Variants in DLGAP2 observed in about 807,000 individuals in gnomAD.
The protein encoded by DLGAP2 is disks large-associated protein 2.
DLGAP2 carries 26 observed loss-of-function variants against 100.3 expected under a neutral mutation model. That is an observed-to-expected ratio of 0.26 (90% CI 0.19 to 0.36). The LOEUF (loss-of-function observed/expected upper bound fraction) is 0.36, where lower values mean the gene tolerates loss of function less well. Among genes scored for constraint, DLGAP2 ranks in the 10% least tolerant of loss-of-function variants. The pLI is 1.00. For missense variants in DLGAP2, 1,858 were observed against 1,453.2 expected (o/e 1.28, Z -4.53); for synonymous variants, 886 against 630.1 (o/e 1.41, Z -6.08).
At chr8:1,388,318 G>A (rs371208548) in intron 3 of DLGAP2, among the ~76,000 whole-genome samples, 3 of 93,874 alleles carry the variant, frequency 3.2e-5, no homozygotes, top group South Asian at 4.5e-4. Flanking sequence ...TGGATGAGGA[G>A]GTGCTGGTTC....
intron 1 of DLGAP2, among the ~76,000 whole-genome samples, chr8:751,976 T>G (rs879166391): frequency 2.0e-5 from 3 of 152,240 alleles, no homozygotes; most frequent in Non-Finnish European, 4.4e-5. Flanking sequence ...TGACACTTTT[T>G]TCAGGCCCAT....
At chr8:973,352 C>A (rs1301333397) in intron 2 of DLGAP2, among the ~76,000 whole-genome samples, 3 of 152,010 alleles carry the variant, frequency 2.0e-5, no homozygotes, top group Non-Finnish European at 2.9e-5. Flanking sequence ...CCTCACTTCC[C>A]AGACGGGGTG....
intron 8 of DLGAP2, among the ~76,000 whole-genome samples, chr8:1,657,572 A>G (rs1401337874): frequency 6.6e-6 from 1 of 152,214 alleles, no homozygotes; most frequent in Admixed American, 6.5e-5. Flanking sequence ...CCCAGCCTCC[A>G]ATTTTAACTT....
intron 8 of DLGAP2, among the ~76,000 whole-genome samples, chr8:1,644,397 C>T (rs1404141467): frequency 2.0e-5 from 3 of 152,228 alleles, no homozygotes; most frequent in Non-Finnish European, 2.9e-5. Flanking sequence ...CGCTCCCACC[C>T]GCTCCCAGCC....
intron 2 of DLGAP2, among the ~76,000 whole-genome samples, chr8:1,191,394 T>A (rs139770579): frequency 2.6e-5 from 4 of 152,098 alleles, no homozygotes; most frequent in East Asian, 1.9e-4. Flanking sequence ...ATGGTCTTGA[T>A]CTCCTGACCT....
At chr8:1,433,738 C>CTTTTTTTTTTTTTTTTT (rs3052055) in intron 3 of DLGAP2, among the ~76,000 whole-genome samples, 1 of 124,218 alleles carries the variant, frequency 8.1e-6, no homozygotes, top group Non-Finnish European at 1.6e-5. Context: ...GCAAAACTGG[C>CTTTTTTTTTTTTTTTTT]TTTTTTTTTT....
rs571999298 is a variant in DLGAP2, at chr8:1,257,695, C to G, written c.74-1156C>G. 6.1e-3 allele frequency among the ~76,000 whole-genome samples: 925 copies of G among 151,788 alleles called. 8 individuals carry two copies. Among genetic ancestry groups the G allele is most frequent in the Non-Finnish European group, 8.1e-3 (552 of 68,032 alleles). On this transcript the variant is annotated intron_variant, in intron 2 of 14. Transcript: ENST00000637795. Reference sequence around the variant, plus strand: ...TTCTGAGGGCCCGTGCAGGCCAGTGCTGGCGTGGAAGAGCCGGTGTCCTCC... The same window carrying G: ...TTCTGAGGGCCCGTGCAGGCCAGTGGTGGCGTGGAAGAGCCGGTGTCCTCC...
chr8:1,020,723 A>C (rs767930499), intron 2 of DLGAP2, among the ~76,000 whole-genome samples: 6 of 152,248 alleles, frequency 3.9e-5, no homozygotes, highest in Non-Finnish European at 5.9e-5. Flanking sequence ...AACATTAAAG[A>C]GTAGCCATCT....
chr8:1,166,819 T>C (rs1797026129), intron 2 of DLGAP2, among the ~76,000 whole-genome samples: 1 of 152,170 alleles, frequency 6.6e-6, no homozygotes, highest in African/African-American at 2.4e-5. Context: ...GTAAGTATTG[T>C]TTCGTGGTTT....
chr8:1,644,797 C>A (rs529231806), intron 8 of DLGAP2, among the ~76,000 whole-genome samples: 1 of 152,158 alleles, frequency 6.6e-6, no homozygotes, highest in African/African-American at 2.4e-5. Flanking sequence ...AATGTATTGA[C>A]ACCATGGCTT....
Position 820,522 on chromosome 8 carries a change from AACAGTTT to A in DLGAP2, c.18+82701_18+82707del, listed in dbSNP as rs560483021. Reference sequence around the variant, plus strand: ...ATCCCCCAAAAGAAAAAAACTAAGAAACAGTTTACACAGAAATTTGTTTGCTCAATAA... The same window carrying A: ...ATCCCCCAAAAGAAAAAAACTAAGAAACACAGAAATTTGTTTGCTCAATAA... On this transcript the variant is annotated intron_variant, in intron 1 of 14. Transcript: ENST00000637795. 2.6e-4 allele frequency among the ~76,000 whole-genome samples: 40 copies of A among 152,354 alleles called. No individual in the cohort carries two copies. The East Asian group carries it at 7.7e-3, about 29-fold the overall frequency.
intron 6 of DLGAP2, among the ~76,000 whole-genome samples, chr8:1,585,932 G>A (rs1196881316): frequency 6.6e-6 from 1 of 152,206 alleles, no homozygotes; most frequent in African/African-American, 2.4e-5. Flanking sequence ...ACACTTTCGT[G>A]TGTGTATAAA....
intron 2 of DLGAP2, among the ~76,000 whole-genome samples, chr8:958,613 G>A (rs1013226339): frequency 1.3e-5 from 2 of 150,164 alleles, no homozygotes; most frequent in Admixed American, 6.7e-5. Context: ...AACTTTTCCC[G>A]GGGATGTTAA....
At chr8:1,128,288 CATGAGGACCTGCTCCTGGTGTTGTGTTCG>C (rs1277962465) in intron 2 of DLGAP2, among the ~76,000 whole-genome samples, 1 of 145,838 alleles carries the variant, frequency 6.9e-6, no homozygotes, top group Non-Finnish European at 1.5e-5. Context: ...TGTTGTGTTC[CATGAGGACCTGCTCCTGGTGTTGTGTTCG>C]GTGAGGACCT....
chr8:1,601,298 T>G (rs1241809913), intron 6 of DLGAP2, among the ~76,000 whole-genome samples: 1 of 152,172 alleles, frequency 6.6e-6, no homozygotes, highest in South Asian at 2.1e-4. Flanking sequence ...TCCTGTGTGA[T>G]GTGTCTGTTG....
chr8:1,415,556 C>A (rs1013725697), intron 3 of DLGAP2, among the ~76,000 whole-genome samples: 9 of 152,152 alleles, frequency 5.9e-5, no homozygotes, highest in African/African-American at 2.2e-4. Context: ...AGTGAGAACA[C>A]GTGGTGTCTG....
chr8:1,444,604 C>T (rs758633086), intron 3 of DLGAP2, among the ~76,000 whole-genome samples: 3 of 152,012 alleles, frequency 2.0e-5, no homozygotes, highest in Non-Finnish European at 2.9e-5. Context: ...ACCCTCCCTC[C>T]ACCTCCTTCT....
At chr8:1,610,218 C>G (rs951949904) in intron 6 of DLGAP2, among the ~76,000 whole-genome samples, 9 of 152,176 alleles carry the variant, frequency 5.9e-5, no homozygotes, top group Non-Finnish European at 7.3e-5. Context: ...GAAACTAGAA[C>G]TCAGGATTAA....
At chr8:1,672,724 C>T (rs1199949805) in intron 10 of DLGAP2, among the ~76,000 whole-genome samples, 1 of 152,228 alleles carries the variant, frequency 6.6e-6, no homozygotes, top group African/African-American at 2.4e-5. Flanking sequence ...TGCTCTTCCT[C>T]ATGGCTGCCC....
Sources: gnomAD v4.1 joint callset for allele counts (sites outside exome capture counted in the v4.1 genomes callset) on GRCh38, gnomAD v4.1.1 for gene constraint, MANE v1.5 for transcripts, NCBI Gene and HGNC (gene_info 2026-07-23, HGNC 2026-07-21) for gene names.